The following IL2RB variants were observed in gnomAD, a reference collection of about 807,000 sequenced individuals.
IL2RB encodes interleukin 2 receptor subunit beta, also known as interleukin-2 receptor subunit beta.
In IL2RB, 17 loss-of-function variants were observed where a neutral mutation model predicts 44.2. The ratio of observed to expected loss-of-function variants is 0.38; its 90% CI spans 0.26 to 0.58. The LOEUF is 0.58. Ranked by LOEUF, IL2RB falls within the 20% of genes least tolerant of loss-of-function variation. IL2RB has a pLI of 0.63. For missense variants in IL2RB, 624 were observed against 685.5 expected, an observed-to-expected ratio of 0.91 and a Z score of 1.00; for synonymous variants, 286 against 297.9, an observed-to-expected ratio of 0.96 and a Z score of 0.41.
chr22:37,133,609 C>T (rs758064718), intron 8 of IL2RB, among the ~76,000 whole-genome samples: 4 of 152,204 alleles, frequency 2.6e-5, no homozygotes, highest in South Asian at 2.1e-4. Flanking sequence ...CCACAACCCC[C>T]GGTCAGAAGT....
intron 1 of IL2RB, among the ~76,000 whole-genome samples, chr22:37,165,706 AATTTT>A (rs201691123): frequency 1.1e-4 from 16 of 150,700 alleles, no homozygotes; most frequent in African/African-American, 3.2e-4. Flanking sequence ...AATTTAATTT[AATTTT>A]ATTATTGTTT....
intron 6 of IL2RB, 78 bp downstream of exon 6, chr22:37,137,509 A>C (rs762371118): frequency 9.3e-6 from 14 of 1,500,250 alleles, no homozygotes; most frequent in Middle Eastern, 1.8e-4. Context: ...GGACCTCGAC[A>C]CAATGAAAAA....
rs112519317 is a variant in IL2RB, at chr22:37,158,827, G to A, written c.-33-14622C>T. Among the ~76,000 whole-genome samples, 590 of 152,314 alleles carry A rather than the reference G, an allele frequency of 3.9e-3. 5 individuals are homozygous for A. The highest frequency in any genetic ancestry group is 0.013 in the African/African-American group (536 of 41,566). ...TGCTAGCAGCCAAGTCCTCCAGCCA[G>A]TTTCCTACCTGAAACTGTCCCTGAG... On this transcript the variant is annotated intron_variant, in intron 1 of 5. Transcript: ENST00000429622.
rs541383967 is a variant in IL2RB at position 37,165,839 on chromosome 22, A to G, written c.-34+9119T>C. ...AGACCGGCCTAAAGCAGACACTTGGAGCTGAAAACATCCTGAATCCAACCG... is the reference window on the plus strand; with the variant it reads ...AGACCGGCCTAAAGCAGACACTTGGGGCTGAAAACATCCTGAATCCAACCG... On this transcript the variant is annotated intron_variant, in intron 1 of 5. Transcript: ENST00000429622. 5.3e-5 allele frequency among the ~76,000 whole-genome samples: 8 copies of G among 152,178 alleles called. No individual in the cohort carries two copies. The South Asian group carries it at 1.7e-3, about 32-fold the overall frequency.
rs767763441 is a variant in IL2RB, at chr22:37,135,309, GGGA to G, written c.818+16_818+18del. On this transcript the variant is annotated intron_variant, in intron 8 of 9. Transcript: ENST00000216223. ...TGGAGGGGTGGGAGCATGAAGGAAG[GGGA>G]GGAGAACCTTCTTACCATGGCCCGG... 1.9e-5 allele frequency: 30 copies of G among 1,569,512 alleles called. No homozygotes were observed. The African/African-American group carries it at 3.7e-4, about 19-fold the overall frequency.
chr22:37,173,518 G>A (rs2145745767), intron 1 of IL2RB, among the ~76,000 whole-genome samples: 1 of 152,314 alleles, frequency 6.6e-6, no homozygotes, highest in Admixed American at 6.5e-5. Flanking sequence ...ATAAGAAAGT[G>A]TCTACCTTAA....
intron 1 of IL2RB, among the ~76,000 whole-genome samples, chr22:37,161,185 A>G (rs1048729476): frequency 6.6e-6 from 1 of 152,046 alleles, no homozygotes; most frequent in African/African-American, 2.4e-5. Context: ...CATTTAAAAT[A>G]CTCGCCATTA....
rs563887289 is a variant in IL2RB at position 37,170,928 on chromosome 22, G to A, written c.-34+4030C>T. On this transcript the variant is annotated intron_variant, in intron 1 of 5. Transcript: ENST00000429622. Reference sequence around the variant, plus strand: ...GATCCTGCCAGCCTGTGGAACTTCCGATATTATGGATGAGGGTGGATTTTA... The same window carrying A: ...GATCCTGCCAGCCTGTGGAACTTCCAATATTATGGATGAGGGTGGATTTTA... Among the ~76,000 whole-genome samples, 6 of 152,282 alleles carry A rather than the reference G, an allele frequency of 3.9e-5. No individual in the cohort carries two copies. The East Asian group carries it at 7.7e-4, about 20-fold the overall frequency.
intron 1 of IL2RB, among the ~76,000 whole-genome samples, chr22:37,168,133 G>A (rs1923143161): frequency 6.6e-6 from 1 of 152,220 alleles, no homozygotes; most frequent in Non-Finnish European, 1.5e-5. Context: ...GTGACCCTTG[G>A]CCTGAACTTT....
At chr22:37,160,742 C>T (rs1922836127) in intron 1 of IL2RB, among the ~76,000 whole-genome samples, 1 of 143,716 alleles carries the variant, frequency 7.0e-6, no homozygotes, top group African/African-American at 2.6e-5. Context: ...CCCAGCTATT[C>T]GGGAGGCTAA....
intron 1 of IL2RB, among the ~76,000 whole-genome samples, chr22:37,160,679 CAAAAAAA>C (rs10605445): frequency 1.5e-5 from 2 of 136,004 alleles, no homozygotes; most frequent in Non-Finnish European, 3.1e-5. Flanking sequence ...CTGTCTATGC[CAAAAAAA>C]AAAAAAAAAA....
At chr22:37,142,057 C>G (rs531494053) in intron 4 of IL2RB, among the ~76,000 whole-genome samples, 98 of 152,260 alleles carry the variant, frequency 6.4e-4, no homozygotes, top group African/African-American at 1.2e-3. Context: ...CCCTTCACCC[C>G]CCACACTGCA....
In IL2RB at chr22:37,147,266, C is replaced by T. The variant is rs184319291; in HGVS notation, c.-34+2559G>A. Among the ~76,000 whole-genome samples, 105 of 152,272 alleles carry T rather than the reference C, an allele frequency of 6.9e-4. 1 individual carries two copies. Among genetic ancestry groups the T allele is most frequent in the Non-Finnish European group, 4.0e-4 (27 of 68,018 alleles). On this transcript the variant is annotated intron_variant, in intron 1 of 9. Transcript: ENST00000216223. ...TTTCCAATGAGGAAACGGAGGCACA[C>T]AGAGGTGAAGTGCGTTGCCTAAGGT...
intron 7 of IL2RB, 96 bp downstream of exon 7, chr22:37,136,132 A>C: frequency 2.2e-6 from 3 of 1,337,996 alleles, no homozygotes; most frequent in African/African-American, 2.9e-5. Flanking sequence ...GCTGACTGCT[A>C]TACCCTCACC....
At chr22:37,140,644 T>G (rs1921918743) in intron 4 of IL2RB, among the ~76,000 whole-genome samples, 1 of 150,854 alleles carries the variant, frequency 6.6e-6, no homozygotes, top group African/African-American at 2.5e-5. Context: ...TGACTCCATC[T>G]TCACACTCTC....
Position 37,135,452 on chromosome 22 carries a change from G to A in IL2RB, c.704-10C>T, listed in dbSNP as rs746234144. 3 of 1,580,128 alleles carry A rather than the reference G, an allele frequency of 1.9e-6. No homozygotes were observed. The highest frequency in any genetic ancestry group is 2.6e-6 in the Non-Finnish European group (3 of 1,149,204). On this transcript the variant is annotated splice_polypyrimidine_tract_variant and intron_variant, in intron 7 of 9. Coordinates refer to ENST00000216223, the MANE Select transcript of IL2RB (RefSeq NM_000878.5). ...GTGTCCTTCCCAAGGGCTGCCCAGG[G>A]GTGGGAGAAACAGCAAGGAGAGGGG...
At chr22:37,151,331 G>A (rs1438906540), upstream of IL2RB, among the ~76,000 whole-genome samples, 1 of 152,188 alleles carries the variant, frequency 6.6e-6, no homozygotes, top group Non-Finnish European at 1.5e-5. Flanking sequence ...GATCAATGAT[G>A]TTGAGCACCT....
Position 37,132,486 on chromosome 22 carries a change from G to A in IL2RB, c.819-18C>T, listed in dbSNP as rs773911285. The stretch of plus-strand genomic sequence containing the variant: ...TCTTCAGCCTGGACAGAGGAGAGGA[G>A]GGAAGGAGGAGGGTGAGAAAGGGAA... On this transcript the variant is annotated intron_variant, in intron 8 of 9. Coordinates refer to ENST00000216223, the MANE Select transcript of IL2RB (RefSeq NM_000878.5). 3 of 1,602,112 alleles carry A rather than the reference G, an allele frequency of 1.9e-6. No homozygotes were observed. Among genetic ancestry groups the A allele is most frequent in the South Asian group, 2.2e-5 (2 of 90,680 alleles).
intron 1 of IL2RB, among the ~76,000 whole-genome samples, chr22:37,147,640 T>A (rs1399318445): frequency 6.6e-6 from 1 of 152,214 alleles, no homozygotes; most frequent in Non-Finnish European, 1.5e-5. Flanking sequence ...CACTCTCTCA[T>A]GCTGTCCCAC....
Sources: gnomAD v4.1 joint callset for allele counts (sites outside exome capture counted in the v4.1 genomes callset) on GRCh38, gnomAD v4.1.1 for gene constraint, MANE v1.5 for transcripts, NCBI Gene and HGNC (gene_info 2026-07-23, HGNC 2026-07-21) for gene names.